BPNT2: variants seen among roughly 807,000 people sequenced by gnomAD.
BPNT2 encodes Golgi-resident adenosine 3',5'-bisphosphate 3'-phosphatase.
Under a neutral mutation model 29.3 loss-of-function variants are expected in BPNT2, and 11 were observed. That is an observed-to-expected ratio of 0.38 (90% CI 0.24 to 0.62). BPNT2 has a LOEUF of 0.62. BPNT2 is among the 20% of genes least tolerant of loss of function. BPNT2 has a pLI of 0.62. For missense variants in BPNT2, 459 were observed against 473.4 expected (o/e 0.97, Z 0.28); for synonymous variants, 195 against 187.7 (o/e 1.04, Z -0.32).
chr8:56,963,500 C>T lies in BPNT2; in HGVS notation c.*293G>A, dbSNP rs368233003. The T allele has an allele frequency of 1.1e-4, 40 of 351,298 alleles. No individual in the cohort carries two copies. In the East Asian group the frequency reaches 1.7e-3, roughly 15 times the overall value. 21.8% of individuals were successfully genotyped at this position (351,298 alleles called of 1,614,324 possible). A position where few individuals can be genotyped will look rare whatever the true frequency, so the allele number is the denominator to read the frequency against. On this transcript the variant is annotated 3_prime_UTR_variant, in exon 5 of 5. Transcript: ENST00000262644. ...GTTGTGTGAAAATGGTGACTCATAA[C>T]AATGTAGACTCAGCTACAGATTTTA...
At chr8:56,968,121 C>A (rs1328891370) in intron 3 of BPNT2, among the ~76,000 whole-genome samples, 3 of 151,854 alleles carry the variant, frequency 2.0e-5, no homozygotes, top group Non-Finnish European at 4.4e-5. Flanking sequence ...TAATAAGCAA[C>A]AATATATTGA....
In BPNT2 at chr8:56,980,819, T is replaced by TATACACAC. The variant is rs755705861; in HGVS notation, c.388-623_388-622insGTGTGTAT. Among the ~76,000 whole-genome samples the TATACACAC allele has an allele frequency of 3.7e-3, 521 of 141,486 alleles. 1 individual carries two copies. The highest frequency in any genetic ancestry group is 5.6e-3 in the East Asian group (27 of 4,830). 92.8% of individuals were successfully genotyped at this position (141,486 alleles called of 152,430 possible). ...CCCCACACCCTTACATACATACATATACACACACACACACACACACACACA... is the reference window on the plus strand; with the variant it reads ...CCCCACACCCTTACATACATACATATATACACACACACACACACACACACACACACACA... On this transcript the variant is annotated intron_variant, in intron 1 of 4. Coordinates refer to ENST00000262644, the MANE Select transcript of BPNT2 (RefSeq NM_017813.5).
At chr8:56,990,486 C>G (rs1168195821) in intron 1 of BPNT2, among the ~76,000 whole-genome samples, 2 of 152,106 alleles carry the variant, frequency 1.3e-5, no homozygotes, top group Non-Finnish European at 2.9e-5. Flanking sequence ...GCCCAGAGGA[C>G]TCTCTGGGAT....
chr8:56,974,289 C>T (rs986309509), intron 3 of BPNT2, among the ~76,000 whole-genome samples: 7 of 152,046 alleles, frequency 4.6e-5, no homozygotes, highest in East Asian at 1.9e-4. Context: ...TGCCCCAACC[C>T]CTGCACTGTT....
At chr8:56,964,217 A>G (rs1276913072) in intron 4 of BPNT2, 153 bp from the exon 5 acceptor site, 2 of 582,314 alleles carry the variant, frequency 3.4e-6, no homozygotes, top group Admixed American at 3.2e-5. Flanking sequence ...ATTATTTCAA[A>G]TTAAAAAAAT....
At chr8:56,967,416 A>G (rs980809636) in intron 3 of BPNT2, among the ~76,000 whole-genome samples, 2 of 152,142 alleles carry the variant, frequency 1.3e-5, no homozygotes, top group Admixed American at 6.5e-5. Flanking sequence ...CAAACGTATG[A>G]GAAAGTAGGG....
chr8:56,983,059 G>T (rs1381581144), intron 1 of BPNT2, among the ~76,000 whole-genome samples: 1 of 152,148 alleles, frequency 6.6e-6, no homozygotes, highest in Non-Finnish European at 1.5e-5. Context: ...CCGATTAGTG[G>T]TTGCCTGGGA....
rs1806171270 is a variant in BPNT2 at position 56,977,935 on chromosome 8, A to G, written c.646+115T>C. 3 of 760,656 alleles carry G rather than the reference A, an allele frequency of 3.9e-6. No homozygotes were observed. In the South Asian group the frequency reaches 4.2e-5, roughly 11 times the overall value. 47.1% of individuals were successfully genotyped at this position (760,656 alleles called of 1,614,324 possible). On this transcript the variant is annotated intron_variant, in intron 3 of 4. Transcript: ENST00000262644. Reference sequence around the variant, plus strand: ...CACATAATTTGTGTTTTTTTCTTACAGCAGCCCTAGGAAACTAATATAGGA... The same window carrying G: ...CACATAATTTGTGTTTTTTTCTTACGGCAGCCCTAGGAAACTAATATAGGA...
Position 56,966,229 on chromosome 8 carries a change from A to G in BPNT2, c.770T>C (p.Phe257Ser), listed in dbSNP as rs1457534707. ...TGGGATAATTGTAGTCTGGTTTCCA[A>G]AAGTCTGAAGAGCGACCTGTTTGAC... ...GMVKQVALQT[F>S]GNQTTIIPAG... Residue 257 changes from phenylalanine to serine, a missense_variant, in exon 4 of 5, where the codon TTT becomes TCT. Physicochemically the swap from Phe to Ser is radical, Grantham distance 155. Transcript: ENST00000262644. 6.2e-7 allele frequency: 1 copy of G among 1,614,074 alleles called. No individual in the cohort carries two copies. The highest frequency in any genetic ancestry group is 1.3e-5 in the African/African-American group (1 of 74,924).
intron 3 of BPNT2, among the ~76,000 whole-genome samples, chr8:56,971,862 G>C (rs538454096): frequency 6.6e-6 from 1 of 150,794 alleles, no homozygotes; most frequent in East Asian, 2.0e-4. Flanking sequence ...TTGGGAGGCT[G>C]AGGAGGGCGG....
At chr8:56,990,343 G>T (rs1399933277) in intron 1 of BPNT2, among the ~76,000 whole-genome samples, 1 of 152,160 alleles carries the variant, frequency 6.6e-6, no homozygotes, top group African/African-American at 2.4e-5. Flanking sequence ...CTCCACAAAA[G>T]TATCTTCAGC....
chr8:56,964,564 G>A (rs1805908462), intron 4 of BPNT2: 1 of 155,644 alleles, frequency 6.4e-6, no homozygotes, highest in Admixed American at 6.3e-5. Flanking sequence ...GCCTCCCAAA[G>A]TGCTGGGATT....
chr8:56,973,527 G>A (rs1192068546), intron 3 of BPNT2, among the ~76,000 whole-genome samples: 1 of 152,150 alleles, frequency 6.6e-6, no homozygotes, highest in Non-Finnish European at 1.5e-5. Flanking sequence ...TTACAACAGA[G>A]GCAATCAAGA....
intron 1 of BPNT2, among the ~76,000 whole-genome samples, chr8:56,988,356 T>C (rs1418867832): frequency 1.3e-5 from 2 of 152,176 alleles, no homozygotes; most frequent in Admixed American, 6.5e-5. Flanking sequence ...CCTCAATTTA[T>C]TGGGTATATG....
chr8:56,987,572 T>G (rs1806347022), intron 1 of BPNT2, among the ~76,000 whole-genome samples: 1 of 152,130 alleles, frequency 6.6e-6, no homozygotes, highest in South Asian at 2.1e-4. Flanking sequence ...ATCACATCAC[T>G]TGCTTTCCTG....
At chr8:56,984,747 C>T (rs1387070194) in intron 1 of BPNT2, among the ~76,000 whole-genome samples, 3 of 152,182 alleles carry the variant, frequency 2.0e-5, no homozygotes, top group Non-Finnish European at 4.4e-5. Flanking sequence ...GACCGTGGCA[C>T]CCTAGCTTAA....
rs756774533 is a variant in BPNT2, at chr8:56,959,533, CATAA to C, written c.*4256_*4259del. 6 of 152,046 alleles carry C rather than the reference CATAA, an allele frequency of 3.9e-5. No individual in the cohort carries two copies. Among genetic ancestry groups the C allele is most frequent in the Non-Finnish European group, 7.4e-5 (5 of 68,020 alleles). The allele number at this position is 152,046 out of a possible 1,614,324, so 9.4% of individuals were successfully genotyped here. On this transcript the variant is annotated 3_prime_UTR_variant, in exon 5 of 5. Transcript: ENST00000262644. ...CATTAATAAATTATTGATATGCTACCATAAATAAATAGTCACTTTTTAAACCAAA... is the reference window on the plus strand; with the variant it reads ...CATTAATAAATTATTGATATGCTACCATAAATAGTCACTTTTTAAACCAAA...
chr8:56,980,819 TACAC>T (rs71258552), intron 1 of BPNT2, among the ~76,000 whole-genome samples: 56,658 of 141,350 alleles, frequency 0.4, 11,716 homozygotes, highest in Non-Finnish European at 0.46. Context: ...TACATACATA[TACAC>T]ACACACACAC....
At chr8:56,964,184 C>A in intron 4 of BPNT2, 120 bp from the exon 5 acceptor site, 1 of 665,368 alleles carries the variant, frequency 1.5e-6, no homozygotes, top group Non-Finnish European at 2.6e-6. Context: ...TTGCTGCAGT[C>A]TCTGCAACTG....
Sources: gnomAD v4.1 joint callset for allele counts (sites outside exome capture counted in the v4.1 genomes callset) on GRCh38, gnomAD v4.1.1 for gene constraint, MANE v1.5 for transcripts, NCBI Gene and HGNC (gene_info 2026-07-23, HGNC 2026-07-21) for gene names.